The following NLGN1 variants were observed in gnomAD, a reference collection of about 807,000 sequenced individuals.
The protein encoded by NLGN1 is neuroligin-1.
NLGN1 carries 12 observed loss-of-function variants against 65.5 expected under a neutral mutation model. The observed-to-expected ratio is 0.18, with a 90% CI of 0.12 to 0.30. NLGN1 has a LOEUF of 0.30. NLGN1 is among the 10% of genes least tolerant of loss of function. The pLI is 1.00. For synonymous variants in NLGN1, 350 were observed against 359.5 expected (o/e 0.97, Z 0.30); for missense variants, 750 against 1,007.1 (o/e 0.74, Z 3.46).
At chr3:173,667,853 G>A (rs1169673232) in intron 3 of NLGN1, among the ~76,000 whole-genome samples, 3 of 152,060 alleles carry the variant, frequency 2.0e-5, no homozygotes, top group Non-Finnish European at 4.4e-5. Context: ...GGCTGGTCTC[G>A]AACTCCTGAC....
intron 3 of NLGN1, among the ~76,000 whole-genome samples, chr3:173,623,806 G>A (rs1754396351): frequency 6.6e-6 from 1 of 152,102 alleles, no homozygotes; most frequent in Non-Finnish European, 1.5e-5. Context: ...GATGATACAA[G>A]AGACTGGGTC....
chr3:173,914,266 T>G (rs1740267734), intron 4 of NLGN1, among the ~76,000 whole-genome samples: 2 of 152,170 alleles, frequency 1.3e-5, no homozygotes, highest in Admixed American at 1.3e-4. Context: ...GAAGGAAGCC[T>G]CTGCCCCACT....
intron 2 of NLGN1, among the ~76,000 whole-genome samples, chr3:173,570,329 T>C (rs1415565772): frequency 2.0e-5 from 3 of 152,190 alleles, no homozygotes; most frequent in African/African-American, 7.2e-5. Flanking sequence ...AAGCCACAAG[T>C]AGCGCAGCAT....
At chr3:174,144,970 C>T (rs1722941836) in intron 4 of NLGN1, among the ~76,000 whole-genome samples, 1 of 152,088 alleles carries the variant, frequency 6.6e-6, no homozygotes, top group Non-Finnish European at 1.5e-5. Flanking sequence ...TTCATGAAGT[C>T]TTTGCCCATG....
chr3:174,256,904 G>C (rs964607813), intron 4 of NLGN1, among the ~76,000 whole-genome samples: 1 of 152,068 alleles, frequency 6.6e-6, no homozygotes, highest in Non-Finnish European at 1.5e-5. Flanking sequence ...AGCGAAAATT[G>C]ACAAATGGGA....
chr3:174,061,147 G>T (rs1737323627), intron 4 of NLGN1, among the ~76,000 whole-genome samples: 1 of 151,954 alleles, frequency 6.6e-6, no homozygotes, highest in African/African-American at 2.4e-5. Context: ...ATCATTAAAA[G>T]GTCGTAATGA....
chr3:174,138,463 G>A (rs960661382), intron 4 of NLGN1, among the ~76,000 whole-genome samples: 5 of 128,276 alleles, frequency 3.9e-5, no homozygotes, highest in African/African-American at 1.6e-4. Flanking sequence ...GAGACAGAAT[G>A]TCGCTCCGTC....
At chr3:173,961,329 A>G (rs902836881) in intron 4 of NLGN1, among the ~76,000 whole-genome samples, 3 of 152,074 alleles carry the variant, frequency 2.0e-5, no homozygotes, top group Non-Finnish European at 2.9e-5. Context: ...CAATACCCAG[A>G]ACATACGCTG....
chr3:173,458,514 CA>C (rs1722865989), intron 2 of NLGN1, among the ~76,000 whole-genome samples: 2 of 151,928 alleles, frequency 1.3e-5, no homozygotes, highest in African/African-American at 4.8e-5. Context: ...TCTTAAAAAC[CA>C]AACCAAACCC....
intron 4 of NLGN1, among the ~76,000 whole-genome samples, chr3:173,991,774 G>T (rs1386328034): frequency 1.3e-5 from 2 of 152,056 alleles, no homozygotes; most frequent in East Asian, 1.9e-4. Flanking sequence ...GGACACAGAA[G>T]AATTATCTGG....
At chr3:173,462,281 A>G (rs1460656385) in intron 2 of NLGN1, among the ~76,000 whole-genome samples, 1 of 152,186 alleles carries the variant, frequency 6.6e-6, no homozygotes, top group African/African-American at 2.4e-5. Flanking sequence ...TACATGCTCA[A>G]TAAATATTTG....
intron 4 of NLGN1, among the ~76,000 whole-genome samples, chr3:173,924,493 G>A (rs1465988997): frequency 1.3e-5 from 2 of 151,748 alleles, no homozygotes; most frequent in Non-Finnish European, 2.9e-5. Flanking sequence ...AGTCAATTAG[G>A]TATGCCTGTA....
intron 3 of NLGN1, among the ~76,000 whole-genome samples, chr3:173,641,895 G>A (rs1029582241): frequency 9.9e-5 from 15 of 151,898 alleles, no homozygotes; most frequent in South Asian, 2.1e-4. Flanking sequence ...CTACAATGGC[G>A]GAGTTGATTA....
chr3:173,397,287 G>T (rs1716773157), upstream of NLGN1, among the ~76,000 whole-genome samples: 1 of 152,162 alleles, frequency 6.6e-6, no homozygotes, highest in Non-Finnish European at 1.5e-5. Context: ...ACGAAGCCGT[G>T]TCTAAATAAG....
intron 4 of NLGN1, among the ~76,000 whole-genome samples, chr3:173,900,206 C>T (rs1290132628): frequency 6.6e-6 from 1 of 152,054 alleles, no homozygotes; most frequent in Non-Finnish European, 1.5e-5. Context: ...ATTAATTTGT[C>T]AAATGTATGC....
At chr3:173,880,333 C>G (rs1732971845) in intron 4 of NLGN1, among the ~76,000 whole-genome samples, 1 of 151,888 alleles carries the variant, frequency 6.6e-6, no homozygotes, top group South Asian at 2.1e-4. Flanking sequence ...TAGATGTTTT[C>G]TAACAATTTT....
At chr3:173,986,436 T>C (rs755511664) in intron 4 of NLGN1, among the ~76,000 whole-genome samples, 8 of 151,950 alleles carry the variant, frequency 5.3e-5, no homozygotes, top group Non-Finnish European at 1.0e-4. Context: ...GCCACTGCAC[T>C]CCAGCCTAGG....
chr3:173,654,419 T>C (rs1005882523), intron 3 of NLGN1, among the ~76,000 whole-genome samples: 26 of 152,128 alleles, frequency 1.7e-4, no homozygotes, highest in African/African-American at 6.3e-4. Context: ...ATAATTAAAA[T>C]AAATTGTTAC....
chr3:174,012,040 G>A (rs1055183870), intron 4 of NLGN1, among the ~76,000 whole-genome samples: 3 of 152,114 alleles, frequency 2.0e-5, no homozygotes, highest in East Asian at 1.9e-4. Flanking sequence ...AGTACTCTCA[G>A]AACTCCCAAG....
Sources: gnomAD v4.1 joint callset for allele counts (sites outside exome capture counted in the v4.1 genomes callset) on GRCh38, gnomAD v4.1.1 for gene constraint, MANE v1.5 for transcripts, NCBI Gene and HGNC (gene_info 2026-07-23, HGNC 2026-07-21) for gene names.